The following MTPN variants were observed in gnomAD, a reference collection of about 807,000 sequenced individuals.
MTPN encodes myotrophin.
In MTPN, 2 loss-of-function variants were observed where a neutral mutation model predicts 13.5. The observed-to-expected ratio is 0.15, with a 90% CI of 0.06 to 0.47. The LOEUF (loss-of-function observed/expected upper bound fraction) is 0.47. MTPN is among the 20% of genes least tolerant of loss of function. The pLI, the probability that MTPN is intolerant of heterozygous loss-of-function variation, is 0.97. For missense variants in MTPN, 79 were observed against 137.9 expected (o/e 0.57, Z 2.14); for synonymous variants, 46 against 51.7 (o/e 0.89, Z 0.48).
At chr7:135,958,716 C>T (rs1381395472) in intron 1 of MTPN, among the ~76,000 whole-genome samples, 2 of 152,136 alleles carry the variant, frequency 1.3e-5, no homozygotes, top group Non-Finnish European at 2.9e-5. Context: ...ACTGTAACTA[C>T]AACTAATTAT....
chr7:135,963,568 T>C (rs1239041017), intron 1 of MTPN, among the ~76,000 whole-genome samples: 1 of 152,080 alleles, frequency 6.6e-6, no homozygotes, highest in African/African-American at 2.4e-5. Context: ...AAAGAAGGTC[T>C]GTAAGGACGA....
intron 3 of MTPN, among the ~76,000 whole-genome samples, chr7:135,939,576 C>CGGGGGG (rs71174561): frequency 1.1e-3 from 5 of 4,740 alleles, no homozygotes; most frequent in African/African-American, 9.6e-4. Flanking sequence ...AAAATGGGGG[C>CGGGGGG]GGGGGGGGGG....
At chr7:135,934,617 G>A (rs957229588) in intron 3 of MTPN, among the ~76,000 whole-genome samples, 2 of 152,190 alleles carry the variant, frequency 1.3e-5, no homozygotes, top group African/African-American at 4.8e-5. Flanking sequence ...AATCAGACAT[G>A]ACAGACAATT....
intron 1 of MTPN, among the ~76,000 whole-genome samples, chr7:135,954,722 C>G (rs994974151): frequency 3.3e-5 from 5 of 152,242 alleles, no homozygotes; most frequent in Middle Eastern, 3.4e-3. Flanking sequence ...GCGGGAGGAT[C>G]ACGAGGTCAG....
chr7:135,946,261 G>T (rs1049352891), intron 3 of MTPN, among the ~76,000 whole-genome samples: 1 of 152,192 alleles, frequency 6.6e-6, no homozygotes, highest in African/African-American at 2.4e-5. Context: ...GTAATGAACA[G>T]TGAATATCCC....
chr7:135,950,877 G>T (rs1463824700), intron 2 of MTPN, among the ~76,000 whole-genome samples, 195 bp from the exon 3 acceptor site: 1 of 152,084 alleles, frequency 6.6e-6, no homozygotes, highest in African/African-American at 2.4e-5. Context: ...TCTTTCCTTA[G>T]GAGTCATAGT....
At chr7:135,964,295 T>C (rs1363423414) in intron 1 of MTPN, among the ~76,000 whole-genome samples, 1 of 152,140 alleles carries the variant, frequency 6.6e-6, no homozygotes, top group Non-Finnish European at 1.5e-5. Context: ...TTATCTGCTG[T>C]ATGTTTTCTA....
At chr7:135,972,519 T>A (rs1480458218) in intron 1 of MTPN, among the ~76,000 whole-genome samples, 1 of 152,230 alleles carries the variant, frequency 6.6e-6, no homozygotes, top group Non-Finnish European at 1.5e-5. Flanking sequence ...ATGCTGAAAT[T>A]ATTGCTAAGT....
chr7:135,934,522 G>C (rs967585671), intron 3 of MTPN, among the ~76,000 whole-genome samples: 2 of 152,208 alleles, frequency 1.3e-5, no homozygotes. Flanking sequence ...CATAATTACT[G>C]CAAGGAAAGC....
rs1798939287 is a variant in MTPN, at chr7:135,927,521, T to C, written c.*2405A>G. Reference sequence around the variant, plus strand: ...TACTTCAGTGGAGAACAAAACTTACTTAACCTTTCGCTAATGCATGTAGTA... The same window carrying C: ...TACTTCAGTGGAGAACAAAACTTACCTAACCTTTCGCTAATGCATGTAGTA... On this transcript the variant is annotated 3_prime_UTR_variant, in exon 4 of 4. Coordinates refer to ENST00000393085, the MANE Select transcript of MTPN (RefSeq NM_145808.4). 1 of 1,061,252 alleles carries C rather than the reference T, an allele frequency of 9.4e-7. No individual in the cohort carries two copies. The allele number at this position is 1,061,252 out of a possible 1,614,324, so 65.7% of individuals were successfully genotyped here.
chr7:135,950,485 A>AT (rs1300381631), intron 3 of MTPN, 114 bp downstream of exon 3: 14 of 851,694 alleles, frequency 1.6e-5, no homozygotes, highest in Non-Finnish European at 2.3e-5. Flanking sequence ...AATTTTGTAT[A>AT]TTGCTTCCAG....
intron 1 of MTPN, among the ~76,000 whole-genome samples, chr7:135,961,191 G>A (rs896891966): frequency 6.6e-6 from 1 of 151,998 alleles, no homozygotes; most frequent in African/African-American, 2.4e-5. Flanking sequence ...GGCATTAGGA[G>A]TATAAAGTTC....
chr7:135,936,710 C>T lies in MTPN; in HGVS notation c.271-6698G>A, dbSNP rs541365790. Among the ~76,000 whole-genome samples the T allele has an allele frequency of 2.0e-5, 3 of 152,262 alleles. 1 individual carries two copies. Among genetic ancestry groups the T allele is most frequent in the African/African-American group, 7.2e-5 (3 of 41,548 alleles). On this transcript the variant is annotated intron_variant, in intron 3 of 3. Coordinates refer to ENST00000393085, the MANE Select transcript of MTPN (RefSeq NM_145808.4). ...TCCCTTTATTGCTGACATCTGATTA[C>T]AATCAGAACTAGGTTCATTTGCCTA...
At chr7:135,941,900 G>A (rs938315402) in intron 3 of MTPN, among the ~76,000 whole-genome samples, 1 of 75,994 alleles carries the variant, frequency 1.3e-5, no homozygotes, top group Non-Finnish European at 2.7e-5. Flanking sequence ...TTTTTTTTTT[G>A]AGACGGGAGT....
At chr7:135,948,000 T>C (rs577362839) in intron 3 of MTPN, among the ~76,000 whole-genome samples, 30 of 152,202 alleles carry the variant, frequency 2.0e-4, no homozygotes, top group Non-Finnish European at 3.4e-4. Flanking sequence ...GGATAATGTA[T>C]TGGAAATGTC....
rs1161470074 is a variant in MTPN, at chr7:135,927,050, T to C, written c.*2876A>G. On this transcript the variant is annotated 3_prime_UTR_variant, in exon 4 of 4. Coordinates refer to ENST00000393085, the MANE Select transcript of MTPN (RefSeq NM_145808.4). ...AAAACACTGCAATTGCTTATTTATG[T>C]AGGAGGGCACTCTCACCAGCTTCTT... 1.5e-5 allele frequency: 5 copies of C among 331,828 alleles called. No homozygotes were observed. The highest frequency in any genetic ancestry group is 5.4e-6 in the Non-Finnish European group (1 of 184,254). 20.6% of individuals were successfully genotyped at this position (331,828 alleles called of 1,614,324 possible).
chr7:135,961,523 C>CA (rs1168507483), intron 1 of MTPN, among the ~76,000 whole-genome samples: 1 of 147,400 alleles, frequency 6.8e-6, no homozygotes, highest in African/African-American at 2.5e-5. Flanking sequence ...AGATATATAC[C>CA]TTTTTTTTTT....
At chr7:135,961,966 A>T (rs1799530242) in intron 1 of MTPN, among the ~76,000 whole-genome samples, 1 of 152,062 alleles carries the variant, frequency 6.6e-6, no homozygotes, top group African/African-American at 2.4e-5. Flanking sequence ...AAAACAACTG[A>T]CAAAAATAGC....
Position 135,977,347 on chromosome 7 carries a change from A to G in MTPN, c.-247T>C, listed in dbSNP as rs1269426946. 1 of 554,402 alleles carries G rather than the reference A, an allele frequency of 1.8e-6. No individual in the cohort carries two copies. Among genetic ancestry groups the G allele is most frequent in the Non-Finnish European group, 3.2e-6 (1 of 308,396 alleles). 34.3% of individuals were successfully genotyped at this position (554,402 alleles called of 1,614,324 possible). ...TTCCGCCTGGCCGAGGAGAGGCAGG[A>G]ACCTTTACACTTCCGGTTCACTCCC... On this transcript the variant is annotated 5_prime_UTR_variant, in exon 1 of 4. Transcript: ENST00000393085.
Sources: allele counts gnomAD v4.1 joint callset (sites outside exome capture counted in the v4.1 genomes callset), GRCh38; gene constraint gnomAD v4.1.1; transcripts MANE v1.5; gene names NCBI Gene and HGNC (gene_info 2026-07-23, HGNC 2026-07-21).